DNAH11: variants seen among roughly 807,000 people sequenced by gnomAD.
DNAH11 encodes the protein dynein axonemal heavy chain 11.
In DNAH11, 442 loss-of-function variants were observed where a neutral mutation model predicts 526.0. The ratio of observed to expected loss-of-function variants is 0.84; its 90% confidence interval spans 0.78 to 0.91. The LOEUF (loss-of-function observed/expected upper bound fraction) is 0.91, where lower values mean the gene tolerates loss of function less well. DNAH11 is among the 40% of genes least tolerant of loss of function. The pLI, the probability that DNAH11 is intolerant of heterozygous loss-of-function variation, is 0.00. For missense variants in DNAH11, 6,989 were observed against 5,448.7 expected, an observed-to-expected ratio of 1.28 and a Z score of -8.90; for synonymous variants, 2,461 against 1,935.9, an observed-to-expected ratio of 1.27 and a Z score of -7.12.
rs767308949 is a variant in DNAH11, at chr7:21,655,934, G to C, written c.5047G>C (p.Glu1683Gln). The C allele has an allele frequency of 6.2e-7, 1 of 1,612,630 alleles. No homozygotes were observed. The highest frequency in any genetic ancestry group is 1.7e-5 in the Admixed American group (1 of 59,876). The change falls in exon 29 of 82, where the codon GAA (glutamate) becomes CAA (glutamine). Residue 1683 changes from glutamate to glutamine, a missense_variant. Glu to Gln is a conservative substitution (Grantham distance 29). Transcript: ENST00000409508. ...CAGGGCAGTTGGAATGTACAGCAAA[G>C]AAAAGGAGTATGTCCCATTCCAAGC... ...AHRAVGMYSK[E>Q]KEYVPFQAEC... is the part of the protein sequence containing the mutation.
At chr7:21,633,357 C>T (rs78210279) in intron 25 of DNAH11, among the ~76,000 whole-genome samples, 9 of 152,316 alleles carry the variant, frequency 5.9e-5, no homozygotes, top group Non-Finnish European at 1.3e-4. Context: ...TCCACTGTTT[C>T]TCTCTTGATT....
intron 35 of DNAH11, among the ~76,000 whole-genome samples, chr7:21,692,982 C>T (rs565562998): frequency 1.3e-5 from 2 of 152,270 alleles, no homozygotes; most frequent in East Asian, 3.9e-4. Context: ...TTGTGAAAAG[C>T]CGTATTCTGC....
At chr7:21,711,458 T>C (rs926768662) in intron 41 of DNAH11, among the ~76,000 whole-genome samples, 1 of 152,220 alleles carries the variant, frequency 6.6e-6, no homozygotes, top group Admixed American at 6.5e-5. Flanking sequence ...AATACATGTC[T>C]TATATTTGGC....
At chr7:21,759,242 A>G (rs986891540) in intron 54 of DNAH11, among the ~76,000 whole-genome samples, 1 of 152,186 alleles carries the variant, frequency 6.6e-6, no homozygotes, top group African/African-American at 2.4e-5. Context: ...AAAAGAAAGA[A>G]AAATTAACTA....
At chr7:21,743,115 A>C (rs1230647486) in intron 49 of DNAH11, among the ~76,000 whole-genome samples, 1 of 152,240 alleles carries the variant, frequency 6.6e-6, no homozygotes, top group African/African-American at 2.4e-5. Context: ...ATTAAGTTTC[A>C]AGACATGAAT....
chr7:21,680,768 T>G (rs1166672477), intron 30 of DNAH11, among the ~76,000 whole-genome samples: 1 of 152,224 alleles, frequency 6.6e-6, no homozygotes, highest in Non-Finnish European at 1.5e-5. Context: ...CTTCATCTCT[T>G]AATTTTAAAT....
intron 6 of DNAH11, among the ~76,000 whole-genome samples, chr7:21,567,469 T>C (rs1223506595): frequency 6.6e-6 from 1 of 152,220 alleles, no homozygotes; most frequent in Non-Finnish European, 1.5e-5. Context: ...TATTTTTAAC[T>C]TAAAATTGTT....
At chr7:21,873,996 G>A (rs1022801503) in intron 74 of DNAH11, among the ~76,000 whole-genome samples, 1 of 151,742 alleles carries the variant, frequency 6.6e-6, no homozygotes, top group Non-Finnish European at 1.5e-5. Context: ...TCACCATGTT[G>A]ACCAGACTGG....
chr7:21,809,114 C>T (rs1031012751), intron 63 of DNAH11, among the ~76,000 whole-genome samples: 2 of 152,160 alleles, frequency 1.3e-5, no homozygotes, highest in Non-Finnish European at 2.9e-5. Context: ...TTTGGATTTA[C>T]ATTTCCCTGA....
intron 68 of DNAH11, among the ~76,000 whole-genome samples, chr7:21,859,999 C>T (rs933474378): frequency 1.3e-5 from 2 of 152,096 alleles, no homozygotes; most frequent in African/African-American, 2.4e-5. Flanking sequence ...CAGAGAAACC[C>T]TGTCTCTACA....
At chr7:21,564,500 T>G in intron 6 of DNAH11, 103 bp downstream of exon 6, 1 of 772,524 alleles carries the variant, frequency 1.3e-6, no homozygotes, top group Non-Finnish European at 1.9e-6. Flanking sequence ...ACACCATCTT[T>G]CTTTTTCTTT....
chr7:21,869,990 T>G (rs938925740), intron 73 of DNAH11, among the ~76,000 whole-genome samples: 1 of 152,186 alleles, frequency 6.6e-6, no homozygotes, highest in African/African-American at 2.4e-5. Flanking sequence ...TAGGAATGGC[T>G]ATTTAGTTTT....
At chr7:21,859,526 G>A (rs1208792911) in intron 68 of DNAH11, among the ~76,000 whole-genome samples, 2 of 152,098 alleles carry the variant, frequency 1.3e-5, no homozygotes, top group Non-Finnish European at 2.9e-5. Flanking sequence ...CTGGCCCCAA[G>A]CATTTCAGAT....
intron 64 of DNAH11, 106 bp downstream of exon 64, chr7:21,816,808 T>C (rs987377725): frequency 8.0e-6 from 7 of 876,962 alleles, no homozygotes; most frequent in African/African-American, 1.7e-5. Context: ...CATTGATGTA[T>C]TACAATTTGG....
In DNAH11 at chr7:21,600,857, C is replaced by G. The variant is rs367665090; in HGVS notation, c.3182C>G (p.Ser1061Cys). ...CTCTTGTATGGCCATGCTGTGTCTT[C>G]CGATGAAATGGATGCTCATGCAAAT... ...HFLLYGHAVS[S>C]DEMDAHANEE... Residue 1061 changes from serine to cysteine, a missense_variant, in exon 16 of 82, where the codon TCC (serine) becomes TGC (cysteine). By Grantham distance (112) the Ser-to-Cys change is moderately radical (BLOSUM62 -1). Coordinates refer to ENST00000409508, the MANE Select transcript of DNAH11 (RefSeq NM_001277115.2). 2 of 1,613,918 alleles carry G rather than the reference C, an allele frequency of 1.2e-6. No individual in the cohort carries two copies. The highest frequency in any genetic ancestry group is 1.3e-5 in the African/African-American group (1 of 75,038).
intron 8 of DNAH11, among the ~76,000 whole-genome samples, chr7:21,581,330 C>A (rs1186943536): frequency 6.6e-6 from 1 of 152,106 alleles, no homozygotes; most frequent in Non-Finnish European, 1.5e-5. Context: ...CTGAGGGATG[C>A]TAAACGCACG....
At chr7:21,610,224 A>C (rs2128450340) in intron 20 of DNAH11, among the ~76,000 whole-genome samples, 1 of 152,338 alleles carries the variant, frequency 6.6e-6, no homozygotes, top group African/African-American at 2.4e-5. Flanking sequence ...ACTTCACTCC[A>C]GCCTGGGCGA....
In DNAH11 at chr7:21,735,857, G is replaced by T; in HGVS notation, c.7645+13G>T. On this transcript the variant is annotated intron_variant, in intron 46 of 81. Transcript: ENST00000409508. ...ACAGCTCTGCAAAGTAAGTGCACCT[G>T]TTTATTTTCTAGAAACAAGGGATCA... 1.3e-6 allele frequency: 2 copies of T among 1,574,422 alleles called. No individual in the cohort carries two copies. The highest frequency in any genetic ancestry group is 2.4e-5 in the South Asian group (2 of 84,328).
Position 21,901,172 on chromosome 7 carries a change from A to ACATCTGGACCTT in DNAH11, c.13472_13483dup (p.Ile4491_Phe4494dup), listed in dbSNP as rs1562614696. The ACATCTGGACCTT allele has an allele frequency of 6.2e-7, 1 of 1,611,360 alleles. No homozygotes were observed. The highest frequency in any genetic ancestry group is 8.5e-7 in the Non-Finnish European group (1 of 1,177,688). On this transcript the variant is annotated inframe_insertion, in exon 82 of 82. Transcript: ENST00000409508. ...AGAACCAAACTGAGAGGCCCCAGCT[A>ACATCTGGACCTT]CATCTGGACCTTCAGGCTGAAGAGC...
Sources: gnomAD v4.1 joint callset for allele counts (sites outside exome capture counted in the v4.1 genomes callset) on GRCh38, gnomAD v4.1.1 for gene constraint, MANE v1.5 for transcripts, NCBI Gene and HGNC (gene_info 2026-07-23, HGNC 2026-07-21) for gene names.